COL20A1: variants seen among roughly 807,000 people sequenced by gnomAD.
COL20A1 encodes the protein collagen type XX alpha 1 chain, also known as collagen alpha-1(XX) chain.
A neutral mutation model predicts 152.9 loss-of-function variants in COL20A1; 164 were observed. That is an observed-to-expected ratio of 1.07 (90% CI 0.94 to 1.22). The LOEUF (loss-of-function observed/expected upper bound fraction) is 1.22, where lower values mean the gene tolerates loss of function less well. COL20A1 is among the 50% of genes most tolerant of loss of function. The probability of loss-of-function intolerance (pLI) is 0.00; values close to 1 mark genes in which losing one functional copy is unlikely to be tolerated. For missense variants in COL20A1, 1,873 were observed against 1,744.8 expected, an observed-to-expected ratio of 1.07 and a Z score of -1.31; for synonymous variants, 864 against 756.0, an observed-to-expected ratio of 1.14 and a Z score of -2.34.
At position 63,308,036 on chromosome 20, in the gene COL20A1, C is replaced by G. The variant is rs759945761; in HGVS notation, c.721C>G (p.Gln241Glu). Residue 241 changes from glutamine (Q) to glutamate (E), a missense_variant, in exon 7 of 36, where the codon CAG becomes GAG. Gln to Glu is a conservative substitution (Grantham distance 29). Coordinates refer to ENST00000358894, the MANE Select transcript of COL20A1 (RefSeq NM_020882.4). The part of the protein sequence containing the change: ...WDLNSLSTKE[Q>E]VLAAVRRLRY... ...CCTGAACTCCCTCAGCACCAAGGAA[C>G]AGGTGCTGGCAGCTGTGCGCCGCCT... 6.2e-7 allele frequency: 1 copy of G among 1,612,332 alleles called. No individual in the cohort carries two copies. The highest frequency in any genetic ancestry group is 8.5e-7 in the Non-Finnish European group (1 of 1,179,550).
Position 63,310,437 on chromosome 20 carries a change from A to AG in COL20A1, c.1321dup (p.Glu441GlyfsTer11), listed in dbSNP as rs2067990240. 1 of 1,610,072 alleles carries AG rather than the reference A, an allele frequency of 6.2e-7. No homozygotes were observed. Among genetic ancestry groups the AG allele is most frequent in the African/African-American group, 1.3e-5 (1 of 74,864 alleles). On this transcript the variant is annotated frameshift_variant, in exon 11 of 36. Coordinates refer to ENST00000358894, the MANE Select transcript of COL20A1 (RefSeq NM_020882.4). LOFTEE classifies it high-confidence loss of function. ...AGCTGCACAACCTGGCCTCCCGCAC[A>AG]GAGTACCTGGTCTCCGTGTTCCCCA...
At chr20:63,299,675 TC>T (rs1489756844) in intron 3 of COL20A1, among the ~76,000 whole-genome samples, 1 of 152,206 alleles carries the variant, frequency 6.6e-6, no homozygotes, top group African/African-American at 2.4e-5. Flanking sequence ...CCTGTGCTGT[TC>T]CTACGTAAGG....
At chr20:63,295,007 C>A in intron 1 of COL20A1, 91 bp from the exon 2 acceptor site, 1 of 791,034 alleles carries the variant, frequency 1.3e-6, no homozygotes, top group Non-Finnish European at 2.0e-6. Flanking sequence ...GGCTGCCTGG[C>A]CCTCGAGGAT....
chr20:63,319,309 A>G lies in COL20A1; in HGVS notation c.2806+109A>G. ...AGTCCAGCCTCCAGGCCAGGCCCTC[A>G]GCACCCTCTGGGTGGGAGGCAGGTG... On this transcript the variant is annotated intron_variant, in intron 22 of 35. Coordinates refer to ENST00000358894, the MANE Select transcript of COL20A1 (RefSeq NM_020882.4). The surrounding 1 kb of genome is among the most constrained non-coding windows in gnomAD (Gnocchi z 4.4). 1 of 1,273,362 alleles carries G rather than the reference A, an allele frequency of 7.9e-7. No homozygotes were observed. Among genetic ancestry groups the G allele is most frequent in the East Asian group, 2.5e-5 (1 of 39,772 alleles). The allele number at this position is 1,273,362 out of a possible 1,614,324, so 78.9% of individuals were successfully genotyped here. A position where few individuals can be genotyped will look rare whatever the true frequency, so the allele number is the denominator to read the frequency against.
At position 63,294,110 on chromosome 20, in the gene COL20A1, G is replaced by A. The variant is rs186433639; in HGVS notation, c.-11+835G>A. 1.5e-3 allele frequency among the ~76,000 whole-genome samples: 191 copies of A among 130,706 alleles called. 1 individual carries two copies. Among genetic ancestry groups the A allele is most frequent in the African/African-American group, 5.4e-3 (180 of 33,222 alleles). 85.7% of individuals were successfully genotyped at this position (130,706 alleles called of 152,430 possible). On this transcript the variant is annotated intron_variant, in intron 1 of 35. Transcript: ENST00000358894. ...GTGAGGGGCTGGCATGAGCAGTCTC[G>A]GGGAGCGGGAGTGCAGGGGAGCGGA...
chr20:63,311,356 T>C lies in COL20A1; in HGVS notation c.1394-38T>C. 2 of 1,543,620 alleles carry C rather than the reference T, an allele frequency of 1.3e-6. No individual in the cohort carries two copies. Among genetic ancestry groups the C allele is most frequent in the East Asian group, 2.4e-5 (1 of 42,252 alleles). On this transcript the variant is annotated intron_variant, in intron 11 of 35. Coordinates refer to ENST00000358894, the MANE Select transcript of COL20A1 (RefSeq NM_020882.4). This position sits in a 1 kb window ranked among gnomAD's most constrained non-coding sequence, Gnocchi z 4.4. ...CCCGTGCGTGGGTGTGATCTCTGTG[T>C]GGGCTCCTTCCTAAAGTGTCCCTGC...
At position 63,311,702 on chromosome 20, in the gene COL20A1, G is replaced by T. The variant is rs369260236; in HGVS notation, c.1617G>T (p.Leu539=). The stretch of plus-strand genomic sequence containing the variant: ...ACTATGAGGTCTCGGTGCAGAGCCT[G>T]CGAGGCCCTGAGGGCAGCGAGGCCC... ...GRDYEVSVQS[L]RGPEGSEARG... The change falls in exon 13 of 36, where the codon CTG becomes CTT. Residue 539 remains leucine, a synonymous_variant. Transcript: ENST00000358894. The surrounding 1 kb of genome is among the most constrained non-coding windows in gnomAD (Gnocchi z 4.4). 3.8e-4 allele frequency: 607 copies of T among 1,605,068 alleles called. No homozygotes were observed. Among genetic ancestry groups the T allele is most frequent in the Non-Finnish European group, 4.9e-4 (583 of 1,178,552 alleles).
In COL20A1 at chr20:63,309,824, C is replaced by T. The variant is rs755838084; in HGVS notation, c.1172C>T (p.Ser391Phe). ...TSLVLSQVTSSSIRLSWTPAP... is the reference protein window; with the variant it reads ...TSLVLSQVTSFSIRLSWTPAP... ...CTGGTCCTGAGCCAGGTGACCTCCT[C>T]CAGCATCCGCCTGTCCTGGACTCCA... is the stretch of plus-strand genomic sequence containing the variant. The change falls in exon 10 of 36, where the codon TCC (serine) becomes TTC (phenylalanine). Residue 391 changes from serine (S) to phenylalanine (F), a missense_variant. Ser to Phe is a radical substitution (Grantham distance 155, BLOSUM62 -2). Coordinates refer to ENST00000358894, the MANE Select transcript of COL20A1 (RefSeq NM_020882.4). 6.2e-7 allele frequency: 1 copy of T among 1,610,430 alleles called. No individual in the cohort carries two copies. The highest frequency in any genetic ancestry group is 8.5e-7 in the Non-Finnish European group (1 of 1,178,830).
intron 3 of COL20A1, among the ~76,000 whole-genome samples, chr20:63,304,221 AGGTGTGCACG>A (rs1568766902): frequency 1.3e-5 from 1 of 79,808 alleles, no homozygotes; most frequent in Non-Finnish European, 2.5e-5. Flanking sequence ...TCCTCCCTCC[AGGTGTGCACG>A]TGTGGGTTCC....
intron 20 of COL20A1, among the ~76,000 whole-genome samples, chr20:63,316,181 G>T (rs2068081811): frequency 6.6e-6 from 1 of 152,162 alleles, no homozygotes; most frequent in South Asian, 2.1e-4. Context: ...GGGCTTGCTG[G>T]GGGGCAGGGG....
chr20:63,316,959 G>T (rs1051620927), intron 21 of COL20A1, among the ~76,000 whole-genome samples: 9 of 152,232 alleles, frequency 5.9e-5, no homozygotes, highest in Non-Finnish European at 1.0e-4. Flanking sequence ...TTTCCCATGT[G>T]AGCTGAGGGC....
At chr20:63,298,914 G>A (rs908904883) in intron 3 of COL20A1, among the ~76,000 whole-genome samples, 6 of 152,200 alleles carry the variant, frequency 3.9e-5, no homozygotes, top group African/African-American at 4.8e-5. Context: ...CGACCGTCCC[G>A]GGTGCCCCGG....
At chr20:63,296,078 G>A (rs969566110) in intron 2 of COL20A1, among the ~76,000 whole-genome samples, 4 of 152,246 alleles carry the variant, frequency 2.6e-5, no homozygotes, top group African/African-American at 7.2e-5. Context: ...GGTGAGATGC[G>A]GGAGCCCCGG....
At chr20:63,326,293 T>C in intron 30 of COL20A1, 144 bp downstream of exon 30, 1 of 671,206 alleles carries the variant, frequency 1.5e-6, no homozygotes. Flanking sequence ...GCTGGAACTT[T>C]CTGCAGGGCC....
rs752514393 is a variant in COL20A1 at position 63,326,825 on chromosome 20, T to A, written c.3528+2T>A. On this transcript the variant is annotated splice_donor_variant, in intron 31 of 35. Coordinates refer to ENST00000358894, the MANE Select transcript of COL20A1 (RefSeq NM_020882.4). LOFTEE classifies it high-confidence loss of function. ...CCTCCAGGGACCGTGGGGCCCACAG[T>A]AAGTGCATTTCCAACACCCACCAGC... 1 of 1,496,934 alleles carries A rather than the reference T, an allele frequency of 6.7e-7. No individual in the cohort carries two copies. Among genetic ancestry groups the A allele is most frequent in the Admixed American group, 2.9e-5 (1 of 34,600 alleles). 92.7% of individuals were successfully genotyped at this position (1,496,934 alleles called of 1,614,324 possible).
rs753521162 is a variant in COL20A1 at position 63,328,510 on chromosome 20, C to T, written c.3781+12C>T. On this transcript the variant is annotated intron_variant, in intron 34 of 35. Coordinates refer to ENST00000358894, the MANE Select transcript of COL20A1 (RefSeq NM_020882.4). ...CCTTGAGGGCAGAGGTACTGGGCTC[C>T]TGGCTCTTGGGGAGGGAGTTGTGGC... The T allele has an allele frequency of 6.2e-7, 1 of 1,601,366 alleles. No homozygotes were observed. The highest frequency in any genetic ancestry group is 8.5e-7 in the Non-Finnish European group (1 of 1,172,944).
In COL20A1 at chr20:63,311,477, G is replaced by T; in HGVS notation, c.1477G>T (p.Ala493Ser). Residue 493 changes from alanine (A) to serine (S), a missense_variant, in exon 12 of 36, where the codon GCC becomes TCC. Ala to Ser is a moderately conservative substitution (Grantham distance 99). Transcript: ENST00000358894. This position sits in a 1 kb window ranked among gnomAD's most constrained non-coding sequence, Gnocchi z 4.4. ...CCTCACCTGGCAGCCCTCGGCCGGGGCCACCCACTACCTGGTGCGATGTTC... is the reference window on the plus strand; with the variant it reads ...CCTCACCTGGCAGCCCTCGGCCGGGTCCACCCACTACCTGGTGCGATGTTC... ...VHLTWQPSAGATHYLVRCSPA... is the reference protein window; with the variant it reads ...VHLTWQPSAGSTHYLVRCSPA... The T allele has an allele frequency of 6.3e-7, 1 of 1,576,986 alleles. No homozygotes were observed.
rs553476828 is a variant in COL20A1 at position 63,311,610 on chromosome 20, G to A, written c.1540-15G>A. On this transcript the variant is annotated splice_polypyrimidine_tract_variant and intron_variant, in intron 12 of 35. Transcript: ENST00000358894. This position sits in a 1 kb window ranked among gnomAD's most constrained non-coding sequence, Gnocchi z 4.4. ...GAGCGAGTGGGGGCTGGCCTGGGAC[G>A]TCATGTCTCTGCAGGTGCAGGTCGG... 25 of 1,610,526 alleles carry A rather than the reference G, an allele frequency of 1.6e-5. No individual in the cohort carries two copies. The highest frequency in any genetic ancestry group is 1.2e-4 in the African/African-American group (9 of 75,022).
rs4809537 is a variant in COL20A1, at chr20:63,331,187, C to T, written c.*471C>T. The T allele has an allele frequency of 0.044, 6,737 of 152,448 alleles. 230 individuals are homozygous for T. Among genetic ancestry groups the T allele is most frequent in the South Asian group, 0.08 (389 of 4,836 alleles). 9.4% of individuals were successfully genotyped at this position (152,448 alleles called of 1,614,324 possible). The stretch of plus-strand genomic sequence containing the variant: ...GGCCCTGTGGGCCCGCCTCTCTCTG[C>T]GCCTCACGCAGGCAACAGATGGTTC... On this transcript the variant is annotated 3_prime_UTR_variant, in exon 36 of 36. Transcript: ENST00000358894.
Sources: gnomAD v4.1 joint callset for allele counts (sites outside exome capture counted in the v4.1 genomes callset) on GRCh38, gnomAD v4.1.1 for gene constraint, Gnocchi (gnomAD v3.1) non-coding constraint, MANE v1.5 for transcripts, NCBI Gene and HGNC (gene_info 2026-07-23, HGNC 2026-07-21) for gene names.